Variants in NALCN observed in about 807,000 individuals in gnomAD.
NALCN encodes the protein sodium leak channel, non-selective.
A neutral mutation model predicts 225.3 loss-of-function variants in NALCN; 111 were observed. That is an observed-to-expected ratio of 0.49 (90% CI 0.42 to 0.58). The LOEUF is 0.58. Ranked by LOEUF, NALCN falls within the 20% of genes least tolerant of loss-of-function variation. NALCN has a pLI of 0.00. For synonymous variants in NALCN, 764 were observed against 769.0 expected (o/e 0.99, Z 0.11); for missense variants, 1,378 against 2,202.4 (o/e 0.63, Z 7.49).
intron 18 of NALCN, among the ~76,000 whole-genome samples, chr13:101,114,677 C>T (rs908121110): frequency 6.6e-6 from 1 of 152,178 alleles, no homozygotes; most frequent in East Asian, 1.9e-4. Flanking sequence ...AGAGACATGA[C>T]TAAGGGATGC....
intron 14 of NALCN, among the ~76,000 whole-genome samples, chr13:101,186,524 T>C (rs1423227471): frequency 1.3e-5 from 2 of 152,192 alleles, no homozygotes; most frequent in Non-Finnish European, 2.9e-5. Flanking sequence ...TTAAGCAAAA[T>C]TTTTTGTGAA....
At chr13:101,082,130 G>A (rs1408586514) in intron 33 of NALCN, among the ~76,000 whole-genome samples, 3 of 152,074 alleles carry the variant, frequency 2.0e-5, no homozygotes, top group Admixed American at 6.6e-5. Context: ...CACCCACATC[G>A]GCTTCCCAAA....
At chr13:101,410,499 G>C (rs2047749682) in intron 1 of NALCN, among the ~76,000 whole-genome samples, 1 of 152,146 alleles carries the variant, frequency 6.6e-6, no homozygotes, top group South Asian at 2.1e-4. Context: ...GAAATCTTCA[G>C]AATTTACTTT....
intron 12 of NALCN, among the ~76,000 whole-genome samples, chr13:101,231,354 A>G (rs1221762916): frequency 6.6e-6 from 1 of 152,244 alleles, no homozygotes; most frequent in East Asian, 1.9e-4. Context: ...TGTTGGACAA[A>G]TAGGATTCAA....
intron 6 of NALCN, among the ~76,000 whole-genome samples, chr13:101,366,821 G>A (rs932592115): frequency 1.1e-4 from 16 of 152,024 alleles, no homozygotes; most frequent in East Asian, 3.9e-4. Flanking sequence ...CATATATAAC[G>A]CATTATTATT....
intron 13 of NALCN, among the ~76,000 whole-genome samples, chr13:101,225,557 C>A (rs898167269): frequency 1.3e-5 from 2 of 152,156 alleles, no homozygotes; most frequent in East Asian, 1.9e-4. Flanking sequence ...AAAGATATAG[C>A]CCAAAGCCTT....
intron 9 of NALCN, among the ~76,000 whole-genome samples, chr13:101,284,521 T>C (rs2043274192): frequency 6.6e-6 from 1 of 152,156 alleles, no homozygotes; most frequent in Non-Finnish European, 1.5e-5. Flanking sequence ...AATAAAAATA[T>C]TCTCAGGATC....
In NALCN at chr13:101,104,958, A is replaced by G; in HGVS notation, c.2580-8T>C. ...ACAGGGTCTGTTTTAGATCTGTAAGAGAACACATATATAAAATTCTGCAAC... is the reference window on the plus strand; with the variant it reads ...ACAGGGTCTGTTTTAGATCTGTAAGGGAACACATATATAAAATTCTGCAAC... On this transcript the variant is annotated splice_polypyrimidine_tract_variant and splice_region_variant and intron_variant, in intron 22 of 43. Transcript: ENST00000251127. The surrounding 1 kb of genome is among the most constrained non-coding windows in gnomAD (Gnocchi z 4.2). The G allele has an allele frequency of 6.2e-7, 1 of 1,612,096 alleles. No homozygotes were observed. The highest frequency in any genetic ancestry group is 8.5e-7 in the Non-Finnish European group (1 of 1,178,736).
chr13:101,280,721 A>G (rs1379511498), intron 10 of NALCN, among the ~76,000 whole-genome samples: 1 of 152,120 alleles, frequency 6.6e-6, no homozygotes, highest in Non-Finnish European at 1.5e-5. Context: ...CCCAGCCATT[A>G]GTCCTGGGTT....
intron 13 of NALCN, among the ~76,000 whole-genome samples, chr13:101,203,599 A>C (rs892337816): frequency 6.6e-6 from 1 of 152,218 alleles, no homozygotes; most frequent in African/African-American, 2.4e-5. Flanking sequence ...CAAAAATTAT[A>C]AAGGATAAAC....
At chr13:101,397,670 A>G (rs975750228) in intron 2 of NALCN, among the ~76,000 whole-genome samples, 1 of 151,532 alleles carries the variant, frequency 6.6e-6, no homozygotes, top group African/African-American at 2.4e-5. Context: ...TATACCTAAG[A>G]CAATAGATCC....
chr13:101,162,410 A>G (rs974195120), intron 15 of NALCN, among the ~76,000 whole-genome samples: 1 of 152,216 alleles, frequency 6.6e-6, no homozygotes, highest in African/African-American at 2.4e-5. Flanking sequence ...AAGTACATGA[A>G]TTACTTGAAA....
Position 101,143,156 on chromosome 13 carries a change from A to C in NALCN, c.2042T>G (p.Leu681Arg). The C allele has an allele frequency of 6.2e-7, 1 of 1,614,102 alleles. No homozygotes were observed. Among genetic ancestry groups the C allele is most frequent in the Non-Finnish European group, 8.5e-7 (1 of 1,180,028 alleles). ...QQDTCCLLRS[L>R]PTTSSSSCDH... Reference sequence around the variant, plus strand: ...GCAGGAGGAGGAAGAGGTGGTCGGGAGGCTTCTCAGGAGGCAACATGTGTC... The same window carrying C: ...GCAGGAGGAGGAAGAGGTGGTCGGGCGGCTTCTCAGGAGGCAACATGTGTC... The change falls in exon 17 of 44, where the codon CTC becomes CGC. Residue 681 changes from leucine (L) to arginine (R), a missense_variant. Around this residue, in one of 19 missense-constraint regions of NALCN, gnomAD observed 100 missense variants for 89.4 expected, o/e 1.12. Coordinates refer to ENST00000251127, the MANE Select transcript of NALCN (RefSeq NM_052867.4).
At chr13:101,284,673 C>T (rs1212421587) in intron 9 of NALCN, among the ~76,000 whole-genome samples, 1 of 152,026 alleles carries the variant, frequency 6.6e-6, no homozygotes, top group African/African-American at 2.4e-5. Flanking sequence ...ATTTTATGTA[C>T]GTATTATGAA....
intron 17 of NALCN, among the ~76,000 whole-genome samples, chr13:101,125,856 C>A (rs2139704778): frequency 6.6e-6 from 1 of 152,312 alleles, no homozygotes; most frequent in Admixed American, 6.5e-5. Context: ...TTGGTACAAA[C>A]TACCTGTATA....
At chr13:101,068,243 C>T (rs1377354807) in intron 38 of NALCN, among the ~76,000 whole-genome samples, 1 of 152,118 alleles carries the variant, frequency 6.6e-6, no homozygotes, top group Non-Finnish European at 1.5e-5. Flanking sequence ...ACATGAGGGT[C>T]GTAAGCACAA....
At chr13:101,272,802 T>G (rs976731601) in intron 10 of NALCN, among the ~76,000 whole-genome samples, 2 of 152,150 alleles carry the variant, frequency 1.3e-5, no homozygotes, top group Non-Finnish European at 2.9e-5. Flanking sequence ...ATTCTTGAAA[T>G]GATCTGCCAG....
At chr13:101,291,421 G>C (rs1031390193) in intron 9 of NALCN, among the ~76,000 whole-genome samples, 2 of 152,190 alleles carry the variant, frequency 1.3e-5, no homozygotes, top group Non-Finnish European at 2.9e-5. Context: ...AAATGTGGTT[G>C]ACGATCTTGG....
Position 101,117,615 on chromosome 13 carries a change from A to C in NALCN, c.2193-6389T>G, listed in dbSNP as rs139219424. Among the ~76,000 whole-genome samples the C allele has an allele frequency of 1.6e-3, 246 of 152,338 alleles. 2 individuals carry two copies. Among genetic ancestry groups the C allele is most frequent in the African/African-American group, 5.6e-3 (232 of 41,576 alleles). On this transcript the variant is annotated intron_variant, in intron 18 of 43. Coordinates refer to ENST00000251127, the MANE Select transcript of NALCN (RefSeq NM_052867.4). ...GAATGCCATATAGTTAGAATCATAC[A>C]GTATGTAGACTTTTCAGACTGACTT...
Sources: gnomAD v4.1 joint callset for allele counts (sites outside exome capture counted in the v4.1 genomes callset) on GRCh38, gnomAD v4.1.1 for gene constraint, gnomAD v4.1.1 regional missense constraint, Gnocchi (gnomAD v3.1) non-coding constraint, MANE v1.5 for transcripts, NCBI Gene and HGNC (gene_info 2026-07-23, HGNC 2026-07-21) for gene names.